ALK: variants seen among roughly 807,000 people sequenced by gnomAD.
ALK encodes ALK tyrosine kinase receptor.
Under a neutral mutation model 163.1 loss-of-function variants are expected in ALK, and 74 were observed. The ratio of observed to expected loss-of-function variants is 0.45; its 90% confidence interval spans 0.38 to 0.55. The LOEUF (loss-of-function observed/expected upper bound fraction) is 0.55, where lower values mean the gene tolerates loss of function less well. Ranked by LOEUF, ALK falls within the 20% of genes least tolerant of loss-of-function variation. The pLI, the probability that ALK is intolerant of heterozygous loss-of-function variation, is 0.00. For synonymous variants in ALK, 960 were observed against 843.2 expected (o/e 1.14, Z -2.40); for missense variants, 2,063 against 2,105.3 (o/e 0.98, Z 0.39).
At chr2:29,429,058 T>A (rs900755922) in intron 4 of ALK, among the ~76,000 whole-genome samples, 1 of 151,930 alleles carries the variant, frequency 6.6e-6, no homozygotes, top group African/African-American at 2.4e-5. Flanking sequence ...GAACACCGTA[T>A]CATGACAGAA....
chr2:29,552,758 C>T (rs911449508), intron 3 of ALK, among the ~76,000 whole-genome samples: 1 of 152,174 alleles, frequency 6.6e-6, no homozygotes, highest in African/African-American at 2.4e-5. Context: ...GACTTTTGTG[C>T]AGAATTTTAA....
At chr2:29,339,497 C>CGTGGG (rs1398860846) in intron 5 of ALK, among the ~76,000 whole-genome samples, 4 of 151,882 alleles carry the variant, frequency 2.6e-5, no homozygotes, top group Non-Finnish European at 4.4e-5. Flanking sequence ...CCCTGTGGGC[C>CGTGGG]GTGGCAAGGA....
intron 4 of ALK, among the ~76,000 whole-genome samples, chr2:29,407,659 G>A (rs2148319748): frequency 6.6e-6 from 1 of 152,230 alleles, no homozygotes; most frequent in South Asian, 2.1e-4. Flanking sequence ...GTAGGTCTAG[G>A]GCTTTCCTTG....
chr2:29,772,839 G>C (rs574547109), intron 1 of ALK, among the ~76,000 whole-genome samples: 41 of 152,282 alleles, frequency 2.7e-4, no homozygotes, highest in African/African-American at 9.6e-4. Flanking sequence ...CCTCTTACAG[G>C]TCTTGATAAT....
rs764265048 is a variant in ALK at position 29,920,283 on chromosome 2, A to G, written c.377T>C (p.Val126Ala). 5.6e-5 allele frequency: 89 copies of G among 1,581,298 alleles called. 2 individuals are homozygous for G. The South Asian group carries it at 9.7e-4, about 17-fold the overall frequency. The part of the protein sequence containing the change: ...APAEARTLSR[V>A]LKGGSVRKLR... ...CTTGCGCACGGAGCCGCCCTTCAGC[A>G]CCCTGGACAGCGTCCGGGCCTCTGC... Residue 126 changes from valine (V) to alanine (A), a missense_variant, in exon 1 of 29, where the codon GTG becomes GCG. By Grantham distance (64) the Val-to-Ala change is moderately conservative (BLOSUM62 0). This residue lies in a region of ALK where 987 missense variants were observed against 939.5 expected (regional missense o/e 1.05). Coordinates refer to ENST00000389048, the MANE Select transcript of ALK (RefSeq NM_004304.5).
chr2:29,458,314 G>T (rs1376561069), intron 4 of ALK, among the ~76,000 whole-genome samples: 1 of 152,076 alleles, frequency 6.6e-6, no homozygotes, highest in Non-Finnish European at 1.5e-5. Flanking sequence ...AAATCAACCA[G>T]GAAAACATCT....
intron 9 of ALK, among the ~76,000 whole-genome samples, chr2:29,280,485 G>C (rs1440427449): frequency 1.1e-4 from 16 of 151,482 alleles, no homozygotes; most frequent in Admixed American, 9.8e-4. Context: ...GTACCAGGTG[G>C]TCCATTCTGG....
intron 23 of ALK, among the ~76,000 whole-genome samples, chr2:29,215,567 C>T (rs976044651): frequency 6.6e-6 from 1 of 152,188 alleles, no homozygotes; most frequent in Non-Finnish European, 1.5e-5. Context: ...CACCCCAGGT[C>T]ACACAGCTAA....
chr2:29,337,830 C>G (rs1034095699), intron 5 of ALK, among the ~76,000 whole-genome samples: 1 of 152,140 alleles, frequency 6.6e-6, no homozygotes, highest in African/African-American at 2.4e-5. Context: ...GCCCAAGGAC[C>G]CACTTTGTTC....
chr2:29,197,769 T>A, intron 26 of ALK, 93 bp from the exon 27 acceptor site: 1 of 1,091,142 alleles, frequency 9.2e-7, no homozygotes, highest in Non-Finnish European at 1.4e-6. Flanking sequence ...AATTTCAACC[T>A]TTTTTTCCCC....
chr2:29,317,997 T>C (rs566200483), intron 8 of ALK, among the ~76,000 whole-genome samples: 3 of 152,376 alleles, frequency 2.0e-5, no homozygotes, highest in African/African-American at 7.2e-5. Context: ...TAGAAAGTCT[T>C]TTGCAATCCT....
chr2:29,706,975 ATGTGTG>A (rs766564449), intron 2 of ALK, among the ~76,000 whole-genome samples: 6,840 of 102,638 alleles, frequency 0.067, 314 homozygotes, highest in African/African-American at 0.14. Flanking sequence ...CTCATGCAGA[ATGTGTG>A]TGTGTGTGTG....
chr2:29,898,248 G>A (rs1667323607), intron 1 of ALK, among the ~76,000 whole-genome samples: 2 of 152,124 alleles, frequency 1.3e-5, no homozygotes, highest in Non-Finnish European at 2.9e-5. Context: ...CCAAGTTTTA[G>A]GTTTGAAAAT....
chr2:29,322,516 G>A (rs113799611), intron 6 of ALK, among the ~76,000 whole-genome samples: 12 of 152,338 alleles, frequency 7.9e-5, no homozygotes, highest in African/African-American at 2.6e-4. Context: ...TTCTCATGGA[G>A]TGTCCTTCAC....
At chr2:29,371,533 C>T (rs1026616801) in intron 5 of ALK, among the ~76,000 whole-genome samples, 2 of 152,208 alleles carry the variant, frequency 1.3e-5, no homozygotes, top group Non-Finnish European at 2.9e-5. Flanking sequence ...CCCACCTCAC[C>T]CTTCCCCACC....
intron 1 of ALK, among the ~76,000 whole-genome samples, chr2:29,720,594 A>C (rs537978873): frequency 1.6e-4 from 24 of 152,334 alleles, no homozygotes; most frequent in African/African-American, 5.8e-4. Flanking sequence ...AGCCCACATG[A>C]ATGCAGTTGT....
rs75425949 is a variant in ALK at position 29,861,323 on chromosome 2, A to G, written c.667+58670T>C. ...CAGAACAGAAATAAATGAAACAGATACTTGAAAAACAATAGAAAAGATCAA... is the reference window on the plus strand; with the variant it reads ...CAGAACAGAAATAAATGAAACAGATGCTTGAAAAACAATAGAAAAGATCAA... On this transcript the variant is annotated intron_variant, in intron 1 of 28. Coordinates refer to ENST00000389048, the MANE Select transcript of ALK (RefSeq NM_004304.5). Among the ~76,000 whole-genome samples the G allele has an allele frequency of 4.0e-3, 615 of 152,348 alleles. 7 individuals are homozygous for G. Among genetic ancestry groups the G allele is most frequent in the African/African-American group, 0.014 (582 of 41,594 alleles).
At chr2:29,800,926 C>T (rs1382647598) in intron 1 of ALK, among the ~76,000 whole-genome samples, 1 of 152,212 alleles carries the variant, frequency 6.6e-6, no homozygotes, top group African/African-American at 2.4e-5. Flanking sequence ...GCCCATGCTC[C>T]TCTCTCCCTC....
rs1456689029 is a variant in ALK at position 29,841,677 on chromosome 2, A to C, written c.667+78316T>G. ...TGAACAAGAGCCTTAGTGCTGTCTG[A>C]AACACAAAGGGGAGTGAAGAAATCT... On this transcript the variant is annotated intron_variant, in intron 1 of 28. Coordinates refer to ENST00000389048, the MANE Select transcript of ALK (RefSeq NM_004304.5). 3.3e-5 allele frequency among the ~76,000 whole-genome samples: 5 copies of C among 152,202 alleles called. No individual in the cohort carries two copies. In the South Asian group the frequency reaches 1.0e-3, roughly 31 times the overall value.
Sources: gnomAD v4.1 joint callset for allele counts (sites outside exome capture counted in the v4.1 genomes callset) on GRCh38, gnomAD v4.1.1 for gene constraint, gnomAD v4.1.1 regional missense constraint, MANE v1.5 for transcripts, NCBI Gene and HGNC (gene_info 2026-07-23, HGNC 2026-07-21) for gene names.